GRK5: variants seen among roughly 807,000 people sequenced by gnomAD.
GRK5 encodes the protein G protein-coupled receptor kinase 5.
A neutral mutation model predicts 78.4 loss-of-function variants in GRK5; 40 were observed. That is an observed-to-expected ratio of 0.51 (90% CI 0.40 to 0.66). The LOEUF is 0.66. Among genes scored for constraint, GRK5 ranks in the 30% least tolerant of loss-of-function variants. The probability of loss-of-function intolerance (pLI) is 0.00; values close to 1 mark genes in which losing one functional copy is unlikely to be tolerated. For synonymous variants in GRK5, 289 were observed against 296.8 expected (o/e 0.97, Z 0.27); for missense variants, 598 against 759.9 (o/e 0.79, Z 2.50).
At chr10:119,321,472 C>T (rs996021892) in intron 1 of GRK5, among the ~76,000 whole-genome samples, 4 of 152,200 alleles carry the variant, frequency 2.6e-5, no homozygotes, top group Non-Finnish European at 4.4e-5. Context: ...TGCCTTGGCT[C>T]GTGGCCCCTT....
Position 119,452,572 on chromosome 10 carries a change from G to C in GRK5, c.1405-99G>C. ...ATAGCAGTTCTGGGGGTGTGTCCTG[G>C]GAAGACTCCCTTCTGCTCCCCAAAA... On this transcript the variant is annotated intron_variant, in intron 13 of 15. Transcript: ENST00000392870. This position sits in a 1 kb window ranked among gnomAD's most constrained non-coding sequence, Gnocchi z 4.4. 1.4e-6 allele frequency: 2 copies of C among 1,430,170 alleles called. No homozygotes were observed. The highest frequency in any genetic ancestry group is 1.9e-6 in the Non-Finnish European group (2 of 1,040,074). 88.6% of individuals were successfully genotyped at this position (1,430,170 alleles called of 1,614,324 possible). A position where few individuals can be genotyped will look rare whatever the true frequency, so the allele number is the denominator to read the frequency against.
chr10:119,407,037 G>A (rs1397347280), intron 4 of GRK5, among the ~76,000 whole-genome samples: 7 of 152,232 alleles, frequency 4.6e-5, no homozygotes, highest in African/African-American at 1.7e-4. Flanking sequence ...GGGCTGCCCA[G>A]TTCTGGGCCC....
At chr10:119,434,592 A>G (rs1852883923) in intron 8 of GRK5, among the ~76,000 whole-genome samples, 6 of 152,256 alleles carry the variant, frequency 3.9e-5, no homozygotes, top group Admixed American at 3.9e-4. Flanking sequence ...TGCCGATGCC[A>G]AGACGTGGGT....
At chr10:119,380,785 C>T (rs1396819509) in intron 2 of GRK5, 30 bp from the exon 3 acceptor site, 1 of 1,411,036 alleles carries the variant, frequency 7.1e-7, no homozygotes, top group African/African-American at 1.4e-5. Flanking sequence ...TCTCCTGGGT[C>T]TCATCACATT....
At chr10:119,417,776 G>A (rs1377257433) in intron 4 of GRK5, among the ~76,000 whole-genome samples, 1 of 152,176 alleles carries the variant, frequency 6.6e-6, no homozygotes, top group Admixed American at 6.5e-5. Context: ...TTAGAGAGGA[G>A]TGAAGGTGCG....
At chr10:119,385,792 G>C (rs944660064) in intron 3 of GRK5, among the ~76,000 whole-genome samples, 1 of 152,204 alleles carries the variant, frequency 6.6e-6, no homozygotes, top group African/African-American at 2.4e-5. Context: ...CCAGATCCTT[G>C]AGTGGCGAAG....
At chr10:119,442,755 G>A (rs912537328) in intron 11 of GRK5, among the ~76,000 whole-genome samples, 3 of 152,266 alleles carry the variant, frequency 2.0e-5, no homozygotes, top group African/African-American at 7.2e-5. Flanking sequence ...TGCACAGGAG[G>A]TGTGCCTTGT....
chr10:119,343,856 C>T (rs1851026300), intron 2 of GRK5, among the ~76,000 whole-genome samples: 1 of 152,130 alleles, frequency 6.6e-6, no homozygotes, highest in South Asian at 2.1e-4. Flanking sequence ...AGGCGGGCTT[C>T]CAGGCTATAT....
chr10:119,451,522 T>C (rs534669933), intron 13 of GRK5, among the ~76,000 whole-genome samples: 95 of 152,290 alleles, frequency 6.2e-4, no homozygotes, highest in African/African-American at 2.2e-3. Flanking sequence ...GCGTTTTCAT[T>C]CTGCGCTGAG....
chr10:119,326,444 TG>T, intron 1 of GRK5, 71 bp from the exon 2 acceptor site: 2 of 1,251,970 alleles, frequency 1.6e-6, no homozygotes, highest in Non-Finnish European at 2.3e-6. Context: ...AGGAGGCTGG[TG>T]GGCAGGCTCA....
chr10:119,303,667 C>T (rs1396547019), intron 1 of GRK5, among the ~76,000 whole-genome samples: 3 of 151,646 alleles, frequency 2.0e-5, no homozygotes, highest in Non-Finnish European at 4.4e-5. Context: ...ACTCTGGCTG[C>T]TGGGTGGAGA....
intron 1 of GRK5, among the ~76,000 whole-genome samples, chr10:119,309,635 C>T (rs1850328630): frequency 6.6e-6 from 1 of 152,152 alleles, no homozygotes; most frequent in Non-Finnish European, 1.5e-5. Flanking sequence ...ATCTGAAGCT[C>T]AGAGAGGGTA....
At chr10:119,325,940 G>A (rs891915081) in intron 1 of GRK5, among the ~76,000 whole-genome samples, 1 of 152,254 alleles carries the variant, frequency 6.6e-6, no homozygotes, top group South Asian at 2.1e-4. Context: ...GGCAGGGCGG[G>A]CCCCTCAGGA....
chr10:119,240,753 AT>A (rs200021983), intron 1 of GRK5, among the ~76,000 whole-genome samples: 9 of 149,544 alleles, frequency 6.0e-5, no homozygotes, highest in East Asian at 2.0e-4. Flanking sequence ...ATAGATTGCA[AT>A]TTTTTTTTTA....
intron 1 of GRK5, among the ~76,000 whole-genome samples, chr10:119,214,710 G>A (rs1848543359): frequency 6.6e-6 from 1 of 152,038 alleles, no homozygotes; most frequent in Non-Finnish European, 1.5e-5. Context: ...TGTAGAGATG[G>A]GGTTTCGCCC....
At chr10:119,284,763 G>A (rs1589721398) in intron 1 of GRK5, among the ~76,000 whole-genome samples, 1 of 152,358 alleles carries the variant, frequency 6.6e-6, no homozygotes. Context: ...CTGAGCCTGT[G>A]TACTGGGCTG....
intron 12 of GRK5, among the ~76,000 whole-genome samples, chr10:119,444,990 G>T (rs1853115091): frequency 1.3e-5 from 2 of 152,204 alleles, no homozygotes; most frequent in African/African-American, 4.8e-5. Context: ...CTCTCCTGCA[G>T]CCAGACACCT....
intron 2 of GRK5, among the ~76,000 whole-genome samples, chr10:119,372,875 G>A (rs1402993491): frequency 1.3e-5 from 2 of 152,232 alleles, no homozygotes; most frequent in Non-Finnish European, 2.9e-5. Flanking sequence ...CTTGGTGTTG[G>A]CCTCACCCAA....
chr10:119,329,038 G>A (rs1418462879), intron 2 of GRK5, among the ~76,000 whole-genome samples: 1 of 152,192 alleles, frequency 6.6e-6, no homozygotes, highest in African/African-American at 2.4e-5. Context: ...TCACAGGAGG[G>A]GCACAATAGA....
Sources: allele counts gnomAD v4.1 joint callset (sites outside exome capture counted in the v4.1 genomes callset), GRCh38; gene constraint gnomAD v4.1.1; non-coding constraint Gnocchi (gnomAD v3.1); transcripts MANE v1.5; gene names NCBI Gene and HGNC (gene_info 2026-07-23, HGNC 2026-07-21).